Variants in DSCAML1 observed in about 807,000 individuals in gnomAD.
DSCAML1 encodes cell adhesion molecule DSCAML1.
A neutral mutation model predicts 200.5 loss-of-function variants in DSCAML1; 38 were observed. The observed-to-expected ratio is 0.19, with a 90% CI of 0.15 to 0.25. The LOEUF (loss-of-function observed/expected upper bound fraction) is 0.25. DSCAML1 is among the 10% of genes least tolerant of loss of function. DSCAML1 has a pLI of 1.00. For synonymous variants in DSCAML1, 1,215 were observed against 1,165.0 expected, an observed-to-expected ratio of 1.04 and a Z score of -0.87; for missense variants, 2,223 against 2,858.8, an observed-to-expected ratio of 0.78 and a Z score of 5.07.
At chr11:117,486,290 A>G (rs545633874) in intron 11 of DSCAML1, among the ~76,000 whole-genome samples, 2,743 of 112,668 alleles carry the variant, frequency 0.024, 96 homozygotes, top group African/African-American at 0.078. Flanking sequence ...GGATGTGAAA[A>G]TGGCAGATGT....
intron 1 of DSCAML1, among the ~76,000 whole-genome samples, chr11:117,803,527 T>C (rs1009298687): frequency 2.0e-5 from 3 of 152,104 alleles, no homozygotes; most frequent in Non-Finnish European, 4.4e-5. Context: ...AATATATTAA[T>C]GATCATATTT....
At chr11:117,608,882 A>G (rs948936160) in intron 3 of DSCAML1, among the ~76,000 whole-genome samples, 3 of 152,214 alleles carry the variant, frequency 2.0e-5, no homozygotes, top group African/African-American at 7.2e-5. Context: ...ATATCTGCCA[A>G]ATTGGCCGGG....
At chr11:117,811,961 T>C (rs1218414544) in intron 1 of DSCAML1, among the ~76,000 whole-genome samples, 3 of 152,280 alleles carry the variant, frequency 2.0e-5, no homozygotes, top group Admixed American at 1.3e-4. Context: ...ACTCCCCAAC[T>C]CTGGTGCCAA....
At chr11:117,809,205 G>A (rs759253061) in intron 1 of DSCAML1, among the ~76,000 whole-genome samples, 5 of 152,264 alleles carry the variant, frequency 3.3e-5, no homozygotes, top group African/African-American at 1.2e-4. Flanking sequence ...GAGAAGTCTT[G>A]CCTCATTTGG....
At chr11:117,585,543 G>T (rs1190562818) in intron 3 of DSCAML1, among the ~76,000 whole-genome samples, 2 of 152,196 alleles carry the variant, frequency 1.3e-5, no homozygotes, top group Admixed American at 6.5e-5. Flanking sequence ...ACCACACCTG[G>T]CTTATCTGCT....
At chr11:117,438,829 G>T in intron 24 of DSCAML1, 56 bp downstream of exon 24, 2 of 1,415,772 alleles carry the variant, frequency 1.4e-6, no homozygotes, top group Non-Finnish European at 1.9e-6. Flanking sequence ...CCCCTTCCCT[G>T]CCCCGGGCCC....
intron 3 of DSCAML1, among the ~76,000 whole-genome samples, chr11:117,675,771 A>G (rs1296739465): frequency 4.6e-5 from 7 of 151,990 alleles, no homozygotes; most frequent in Admixed American, 4.6e-4. Flanking sequence ...CCGGCTATTG[A>G]CACCTGCTCT....
intron 3 of DSCAML1, among the ~76,000 whole-genome samples, chr11:117,539,755 T>A (rs1418532219): frequency 6.6e-6 from 1 of 151,868 alleles, no homozygotes; most frequent in Non-Finnish European, 1.5e-5. Flanking sequence ...TACTATACGA[T>A]CCAGTGATTC....
At chr11:117,566,368 T>TC in intron 3 of DSCAML1, among the ~76,000 whole-genome samples, 1 of 150,752 alleles carries the variant, frequency 6.6e-6, no homozygotes, top group African/African-American at 2.4e-5. Context: ...TTTTTTTTTT[T>TC]CTAGGGCCTT....
chr11:117,661,159 G>T (rs1351989006), intron 3 of DSCAML1, among the ~76,000 whole-genome samples: 1 of 152,152 alleles, frequency 6.6e-6, no homozygotes, highest in East Asian at 1.9e-4. Context: ...TCCTAGGGTT[G>T]GGCTCAGCCT....
intron 1 of DSCAML1, among the ~76,000 whole-genome samples, chr11:117,786,791 T>A (rs770840580): frequency 6.6e-6 from 1 of 152,218 alleles, no homozygotes; most frequent in Non-Finnish European, 1.5e-5. Context: ...ACTCATCTCA[T>A]TCACTGGACT....
chr11:117,543,725 GTTC>G (rs1355423007), intron 3 of DSCAML1, among the ~76,000 whole-genome samples: 4 of 152,066 alleles, frequency 2.6e-5, no homozygotes, highest in Non-Finnish European at 4.4e-5. Context: ...TGTTCGTGGA[GTTC>G]TTCTGTGGTG....
At chr11:117,441,668 T>G (rs2048052364) in intron 21 of DSCAML1, among the ~76,000 whole-genome samples, 1 of 149,898 alleles carries the variant, frequency 6.7e-6, no homozygotes, top group Non-Finnish European at 1.5e-5. Flanking sequence ...CTTCTTGGGG[T>G]GGAGGGAGAG....
intron 3 of DSCAML1, among the ~76,000 whole-genome samples, chr11:117,599,930 A>G (rs901569247): frequency 6.6e-6 from 1 of 152,218 alleles, no homozygotes; most frequent in African/African-American, 2.4e-5. Context: ...GTGGAAGAGC[A>G]CAGTGGAAGG....
At chr11:117,709,667 C>T in intron 3 of DSCAML1, 1 of 455,348 alleles carries the variant, frequency 2.2e-6, no homozygotes, top group East Asian at 7.0e-5. Context: ...CCCCAACTCC[C>T]ACCTCCAGCC....
chr11:117,663,438 TCTGG>T (rs2052904922), intron 3 of DSCAML1, among the ~76,000 whole-genome samples: 1 of 152,018 alleles, frequency 6.6e-6, no homozygotes, highest in Admixed American at 6.6e-5. Flanking sequence ...CCAGCATCCC[TCTGG>T]GAGCTCTTCC....
At chr11:117,804,743 CAACACATGGAGACCCATCTCTACAAA>C (rs1292934692) in intron 1 of DSCAML1, among the ~76,000 whole-genome samples, 1 of 152,132 alleles carries the variant, frequency 6.6e-6, no homozygotes, top group Admixed American at 6.5e-5. Context: ...CCAGCCTGGA[CAACACATGGAGACCCATCTCTACAAA>C]AACATTTAAA....
chr11:117,798,495 G>C (rs2055623184), upstream of DSCAML1, among the ~76,000 whole-genome samples: 1 of 152,140 alleles, frequency 6.6e-6, no homozygotes, highest in Admixed American at 6.5e-5. Context: ...ACCATTTGAA[G>C]TGTACTATTC....
At chr11:117,430,366 T>A (rs1004401822) in intron 32 of DSCAML1, among the ~76,000 whole-genome samples, 2 of 152,240 alleles carry the variant, frequency 1.3e-5, no homozygotes, top group African/African-American at 4.8e-5. Context: ...ATTAAGGGGA[T>A]GCTCACTACC....
Sources: allele counts gnomAD v4.1 joint callset (sites outside exome capture counted in the v4.1 genomes callset), GRCh38; gene constraint gnomAD v4.1.1; transcripts MANE v1.5; gene names NCBI Gene and HGNC (gene_info 2026-07-23, HGNC 2026-07-21).